ANO10: variants seen among roughly 807,000 people sequenced by gnomAD.
The protein encoded by ANO10 is anoctamin-10.
In ANO10, 77 loss-of-function variants were observed where a neutral mutation model predicts 74.7. The ratio of observed to expected loss-of-function variants is 1.03; its 90% CI spans 0.86 to 1.25. The LOEUF is 1.25. ANO10 is among the 50% of genes most tolerant of loss of function. The pLI, the probability that ANO10 is intolerant of heterozygous loss-of-function variation, is 0.00. For missense variants in ANO10, 721 were observed against 778.1 expected (o/e 0.93, Z 0.87); for synonymous variants, 279 against 284.9 (o/e 0.98, Z 0.21).
At chr3:43,642,154 C>G (rs954134633) in intron 1 of ANO10, among the ~76,000 whole-genome samples, 5 of 152,154 alleles carry the variant, frequency 3.3e-5, no homozygotes, top group Non-Finnish European at 7.3e-5. Flanking sequence ...CCAGGAATGA[C>G]AAATACACTT....
intron 12 of ANO10, among the ~76,000 whole-genome samples, chr3:43,387,405 G>A (rs983144493): frequency 5.3e-4 from 80 of 152,120 alleles, no homozygotes; most frequent in Non-Finnish European, 1.9e-4. Context: ...TGGGGTGCTG[G>A]GCGGCAGGGA....
intron 1 of ANO10, among the ~76,000 whole-genome samples, chr3:43,613,800 A>C (rs2082952512): frequency 1.3e-5 from 2 of 152,196 alleles, no homozygotes; most frequent in African/African-American, 4.8e-5. Context: ...AGGCCATGAG[A>C]GTCAAAAGGT....
At chr3:43,476,244 G>T (rs776257391) in intron 11 of ANO10, among the ~76,000 whole-genome samples, 1 of 152,070 alleles carries the variant, frequency 6.6e-6, no homozygotes, top group African/African-American at 2.4e-5. Context: ...GGGAACAGAA[G>T]AAAATTCCAA....
intron 12 of ANO10, among the ~76,000 whole-genome samples, chr3:43,393,867 C>A (rs2092325782): frequency 6.6e-6 from 1 of 152,072 alleles, no homozygotes; most frequent in African/African-American, 2.4e-5. Context: ...CCTAACCCCT[C>A]CATTTCCAGA....
intron 11 of ANO10, among the ~76,000 whole-genome samples, chr3:43,437,161 A>G (rs549719861): frequency 6.6e-6 from 1 of 152,236 alleles, no homozygotes; most frequent in African/African-American, 2.4e-5. Flanking sequence ...ATGTACATCT[A>G]CTTCTTCTAC....
chr3:43,685,683 C>G (rs1204208010), intron 1 of ANO10, among the ~76,000 whole-genome samples: 1 of 152,190 alleles, frequency 6.6e-6, no homozygotes, highest in East Asian at 1.9e-4. Flanking sequence ...CATGGCCTTG[C>G]CAATATTTAG....
At chr3:43,481,342 G>A (rs1442366738) in intron 11 of ANO10, among the ~76,000 whole-genome samples, 1 of 152,152 alleles carries the variant, frequency 6.6e-6, no homozygotes, top group Non-Finnish European at 1.5e-5. Flanking sequence ...TGAAAAAAAT[G>A]AGTAAAATGT....
chr3:43,514,819 A>G (rs2077645095), intron 11 of ANO10, among the ~76,000 whole-genome samples: 2 of 152,246 alleles, frequency 1.3e-5, no homozygotes, highest in Admixed American at 1.3e-4. Flanking sequence ...TCAGTAGCAA[A>G]AAGATATTTG....
Position 43,562,344 on chromosome 3 carries a change from C to T in ANO10, c.1294-942G>A, listed in dbSNP as rs188464827. ...GCACGTGCCTGTAGTCCCAGCTACT[C>T]AGGAAGCTGAGGCAGGAGAATGGCG... On this transcript the variant is annotated intron_variant, in intron 8 of 12. Coordinates refer to ENST00000292246, the MANE Select transcript of ANO10 (RefSeq NM_018075.5). Among the ~76,000 whole-genome samples the T allele has an allele frequency of 3.4e-3, 506 of 150,906 alleles. 3 individuals are homozygous for T. Among genetic ancestry groups the T allele is most frequent in the Non-Finnish European group, 4.6e-3 (309 of 67,840 alleles).
At chr3:43,383,497 G>A (rs186570214) in intron 12 of ANO10, among the ~76,000 whole-genome samples, 33 of 151,192 alleles carry the variant, frequency 2.2e-4, no homozygotes, top group African/African-American at 7.8e-4. Context: ...ATGATCAAGT[G>A]GGTTCCATAC....
intron 1 of ANO10, among the ~76,000 whole-genome samples, chr3:43,663,198 T>A (rs9834562): frequency 0.022 from 3,400 of 152,250 alleles, 141 homozygotes; most frequent in African/African-American, 0.077. Flanking sequence ...TCCACCATGA[T>A]CAAGTGGGCT....
At chr3:43,403,728 A>G (rs1362961275) in intron 12 of ANO10, among the ~76,000 whole-genome samples, 1 of 152,274 alleles carries the variant, frequency 6.6e-6, no homozygotes, top group African/African-American at 2.4e-5. Flanking sequence ...AGGCTTGGTC[A>G]GCTTACCTAT....
intron 11 of ANO10, among the ~76,000 whole-genome samples, chr3:43,514,621 A>G (rs536369855): frequency 6.6e-6 from 1 of 152,322 alleles, no homozygotes; most frequent in South Asian, 2.1e-4. Flanking sequence ...CTATCAGCCA[A>G]CTTGACCTAA....
At chr3:43,429,367 A>G (rs920884832) in intron 12 of ANO10, among the ~76,000 whole-genome samples, 1 of 152,186 alleles carries the variant, frequency 6.6e-6, no homozygotes, top group African/African-American at 2.4e-5. Context: ...TTAAAAAAGC[A>G]AATTCATGGA....
rs372923636 is a variant in ANO10, at chr3:43,449,198, G to A, written c.1798-16471C>T. 1.2e-3 allele frequency among the ~76,000 whole-genome samples: 181 copies of A among 152,090 alleles called. 1 individual carries two copies. The highest frequency in any genetic ancestry group is 4.3e-3 in the African/African-American group (179 of 41,494). ...GGCTGGGTTGTTTTCTCATTGTTGA[G>A]TTTCAAGAGTTTTTTTTGTATATTT... On this transcript the variant is annotated intron_variant, in intron 11 of 12. Coordinates refer to ENST00000292246, the MANE Select transcript of ANO10 (RefSeq NM_018075.5).
At chr3:43,648,569 A>T (rs2083751071) in intron 1 of ANO10, among the ~76,000 whole-genome samples, 1 of 151,848 alleles carries the variant, frequency 6.6e-6, no homozygotes, top group Non-Finnish European at 1.5e-5. Context: ...TGACATTGCC[A>T]TGGCACTTGT....
chr3:43,544,085 C>G (rs971988467), intron 11 of ANO10, among the ~76,000 whole-genome samples: 3 of 152,078 alleles, frequency 2.0e-5, no homozygotes, highest in Non-Finnish European at 2.9e-5. Context: ...TGGAGACATA[C>G]ATAATTCTGC....
intron 11 of ANO10, among the ~76,000 whole-genome samples, chr3:43,505,787 G>A (rs920447687): frequency 2.0e-5 from 3 of 152,038 alleles, no homozygotes; most frequent in Non-Finnish European, 2.9e-5. Flanking sequence ...TAAATAATAT[G>A]GTCCCTAAGG....
At chr3:43,501,011 T>C (rs945915377) in intron 11 of ANO10, among the ~76,000 whole-genome samples, 1 of 152,204 alleles carries the variant, frequency 6.6e-6, no homozygotes, top group Non-Finnish European at 1.5e-5. Flanking sequence ...AAGAAATTAG[T>C]TGTATTCTGA....
Sources: allele counts gnomAD v4.1 joint callset (sites outside exome capture counted in the v4.1 genomes callset), GRCh38; gene constraint gnomAD v4.1.1; transcripts MANE v1.5; gene names NCBI Gene and HGNC (gene_info 2026-07-23, HGNC 2026-07-21).